ZNRF1: variants seen among roughly 807,000 people sequenced by gnomAD.
ZNRF1 encodes zinc and ring finger 1.
ZNRF1 carries 3 observed loss-of-function variants against 18.4 expected under a neutral mutation model. The ratio of observed to expected loss-of-function variants is 0.16; its 90% CI spans 0.07 to 0.42. The LOEUF (loss-of-function observed/expected upper bound fraction) is 0.42, where lower values mean the gene tolerates loss of function less well. Among genes scored for constraint, ZNRF1 ranks in the 10% least tolerant of loss-of-function variants. The pLI is 0.99. For missense variants in ZNRF1, 310 were observed against 329.8 expected, an observed-to-expected ratio of 0.94 and a Z score of 0.47; for synonymous variants, 157 against 144.2, an observed-to-expected ratio of 1.09 and a Z score of -0.64.
intron 1 of ZNRF1, among the ~76,000 whole-genome samples, chr16:75,011,745 C>T (rs921164242): frequency 2.6e-4 from 40 of 152,288 alleles, no homozygotes; most frequent in Admixed American, 1.7e-3. Context: ...TAATATCTGA[C>T]GAGCCCAGTC....
chr16:75,099,611 A>T (rs2036233843), intron 2 of ZNRF1, among the ~76,000 whole-genome samples: 1 of 152,326 alleles, frequency 6.6e-6, no homozygotes, highest in East Asian at 1.9e-4. Flanking sequence ...GTAGTAAGAA[A>T]AGGGCAGAAC....
chr16:75,105,064 C>T (rs1289160934), intron 3 of ZNRF1, 175 bp downstream of exon 3: 33 of 565,284 alleles, frequency 5.8e-5, no homozygotes, highest in South Asian at 5.7e-5. Context: ...CGGGAAGGTG[C>T]GAGCATCCCA....
chr16:75,092,902 T>C (rs185877934), intron 1 of ZNRF1, among the ~76,000 whole-genome samples: 16 of 152,342 alleles, frequency 1.1e-4, no homozygotes, highest in Admixed American at 7.8e-4. Context: ...TAAACTGTTA[T>C]GCAAAGGCTG....
At chr16:75,029,136 ATTTTATTTTTAT>A (rs371654322) in intron 1 of ZNRF1, among the ~76,000 whole-genome samples, 15 of 123,048 alleles carry the variant, frequency 1.2e-4, no homozygotes, top group African/African-American at 1.5e-4. Flanking sequence ...TTATTATTTT[ATTTTATTTTTAT>A]TTTTATTTTT....
chr16:75,096,679 C>T (rs1317587850), intron 2 of ZNRF1, among the ~76,000 whole-genome samples: 1 of 151,906 alleles, frequency 6.6e-6, no homozygotes, highest in Non-Finnish European at 1.5e-5. Flanking sequence ...GCACCAATTG[C>T]GGAAATTTTT....
intron 1 of ZNRF1, among the ~76,000 whole-genome samples, chr16:75,092,804 C>T (rs1015436610): frequency 1.5e-4 from 23 of 152,242 alleles, no homozygotes; most frequent in Admixed American, 5.9e-4. Context: ...CTGGCATGGG[C>T]GGCTGAGGCT....
At chr16:75,000,193 G>C in intron 1 of ZNRF1, 98 bp downstream of exon 1, 2 of 1,476,974 alleles carry the variant, frequency 1.4e-6, no homozygotes, top group Non-Finnish European at 1.8e-6. Flanking sequence ...GTGCACGACC[G>C]GGATCTGTCT....
At chr16:75,085,821 AGTGTGTGT>A (rs369370172) in intron 1 of ZNRF1, among the ~76,000 whole-genome samples, 3 of 146,240 alleles carry the variant, frequency 2.1e-5, no homozygotes, top group African/African-American at 7.8e-5. Flanking sequence ...AGAGAGAGTG[AGTGTGTGT>A]GTGTGTGTGT....
At chr16:75,020,632 C>T (rs1264988059) in intron 1 of ZNRF1, among the ~76,000 whole-genome samples, 3 of 152,022 alleles carry the variant, frequency 2.0e-5, no homozygotes, top group Non-Finnish European at 4.4e-5. Context: ...GGCCCCGCCT[C>T]CCAGGTTCAC....
intron 1 of ZNRF1, among the ~76,000 whole-genome samples, chr16:75,030,833 C>CTTTTTTTTTTTTTTTTTTTTTT (rs59468839): frequency 3.3e-5 from 3 of 91,380 alleles, no homozygotes; most frequent in African/African-American, 3.6e-5. Context: ...CACTTTATTC[C>CTTTTTTTTTTTTTTTTTTTTTT]TTTTTTTTTT....
chr16:75,103,801 A>G (rs546606293), intron 2 of ZNRF1, among the ~76,000 whole-genome samples: 1 of 152,246 alleles, frequency 6.6e-6, no homozygotes, highest in African/African-American at 2.4e-5. Flanking sequence ...CCCGGCCAAC[A>G]TGGTGAAACC....
At chr16:75,007,827 T>A (rs1381421798) in intron 1 of ZNRF1, among the ~76,000 whole-genome samples, 1 of 152,140 alleles carries the variant, frequency 6.6e-6, no homozygotes, top group Non-Finnish European at 1.5e-5. Context: ...TTTGAATCCT[T>A]TTTTGGTGTA....
At chr16:75,002,876 C>G (rs148478755) in intron 1 of ZNRF1, among the ~76,000 whole-genome samples, 1 of 152,344 alleles carries the variant, frequency 6.6e-6, no homozygotes, top group Non-Finnish European at 1.5e-5. Flanking sequence ...ATTTCTCTTT[C>G]TGATCCCTTA....
At chr16:75,104,933 G>C in intron 3 of ZNRF1, 44 bp downstream of exon 3, 7 of 1,480,500 alleles carry the variant, frequency 4.7e-6, no homozygotes, top group Non-Finnish European at 6.5e-6. Context: ...CCACCTCCCA[G>C]AGGGGCGGAC....
At chr16:75,106,671 A>G in intron 4 of ZNRF1, 100 bp downstream of exon 4, 1 of 877,988 alleles carries the variant, frequency 1.1e-6, no homozygotes, top group African/African-American at 1.7e-5. Flanking sequence ...TGCCACTGAG[A>G]AGAAAGCAGG....
intron 1 of ZNRF1, among the ~76,000 whole-genome samples, chr16:75,049,313 T>A (rs756252848): frequency 2.0e-5 from 3 of 152,018 alleles, no homozygotes; most frequent in Non-Finnish European, 4.4e-5. Context: ...CTGGAATCCT[T>A]TTTTTTATGT....
rs748990838 is a variant in ZNRF1, at chr16:75,106,547, G to T, written c.*8G>T. 10 of 1,613,994 alleles carry T rather than the reference G, an allele frequency of 6.2e-6. No homozygotes were observed. The highest frequency in any genetic ancestry group is 2.7e-5 in the African/African-American group (2 of 74,920). On this transcript the variant is annotated 3_prime_UTR_variant, in exon 4 of 5. Coordinates refer to ENST00000335325, the MANE Select transcript of ZNRF1 (RefSeq NM_032268.5). ...GAACACCCTGCGGACTGACCTGCGG[G>T]CTTGCTTGCTGACTCCTCTCAAAGG...
chr16:75,101,647 T>C (rs1045482406), intron 2 of ZNRF1, among the ~76,000 whole-genome samples: 1 of 152,180 alleles, frequency 6.6e-6, no homozygotes, highest in African/African-American at 2.4e-5. Flanking sequence ...ATCTTATCCT[T>C]CTGATGCATT....
intron 1 of ZNRF1, among the ~76,000 whole-genome samples, chr16:75,014,314 T>C (rs549755558): frequency 2.0e-5 from 3 of 152,298 alleles, no homozygotes; most frequent in Admixed American, 1.3e-4. Flanking sequence ...TCCCGCCATA[T>C]ATGTTCATGC....
Sources: allele counts gnomAD v4.1 joint callset (sites outside exome capture counted in the v4.1 genomes callset), GRCh38; gene constraint gnomAD v4.1.1; transcripts MANE v1.5; gene names NCBI Gene and HGNC (gene_info 2026-07-23, HGNC 2026-07-21).